Variants in FAM78B observed in about 807,000 individuals in gnomAD.
FAM78B encodes protein FAM78B.
A neutral mutation model predicts 20.0 loss-of-function variants in FAM78B; 10 were observed. That is an observed-to-expected ratio of 0.50 (90% CI 0.31 to 0.85). The LOEUF (loss-of-function observed/expected upper bound fraction) is 0.85, where lower values mean the gene tolerates loss of function less well. Among genes scored for constraint, FAM78B ranks in the 40% least tolerant of loss-of-function variants. FAM78B has a pLI of 0.05. For synonymous variants in FAM78B, 135 were observed against 132.8 expected, an observed-to-expected ratio of 1.02 and a Z score of -0.12; for missense variants, 283 against 345.0, an observed-to-expected ratio of 0.82 and a Z score of 1.42.
intron 1 of FAM78B, among the ~76,000 whole-genome samples, chr1:166,117,169 A>G (rs1357978049): frequency 3.3e-5 from 5 of 152,178 alleles, no homozygotes; most frequent in African/African-American, 9.7e-5. Context: ...CCTTAGTTTA[A>G]GGAGACATAT....
At chr1:166,113,115 C>T (rs12030010) in intron 1 of FAM78B, among the ~76,000 whole-genome samples, 25,179 of 152,172 alleles carry the variant, frequency 0.17, 2,244 homozygotes, top group East Asian at 0.27. Context: ...TGGCCCCAGA[C>T]CCTGCACATG....
Position 166,070,444 on chromosome 1 carries a change from C to A in FAM78B, c.583G>T (p.Val195Leu), listed in dbSNP as rs1651980956. Residue 195 changes from valine (V) to leucine (L), a missense_variant, in exon 2 of 2, where the codon GTG becomes TTG. Coordinates refer to ENST00000354422, the MANE Select transcript of FAM78B (RefSeq NM_001017961.5). ...ILQTIKWRMR[V>L]DIEVDPLQLL... ...TGAAGAGGGTCCACTTCAATGTCCA[C>A]CCTCATCCTCCACTTGATGGTCTGC... 1.9e-6 allele frequency: 3 copies of A among 1,614,102 alleles called. No homozygotes were observed. In the African/African-American group the frequency reaches 4.0e-5, roughly 22 times the overall value.
intron 1 of FAM78B, among the ~76,000 whole-genome samples, chr1:166,127,241 T>G (rs369364868): frequency 6.9e-4 from 105 of 152,316 alleles, no homozygotes; most frequent in African/African-American, 2.5e-3. Context: ...CTTCCCCAGC[T>G]TTTGGCAGCT....
intron 1 of FAM78B, among the ~76,000 whole-genome samples, chr1:166,098,485 C>T (rs1268200926): frequency 6.6e-6 from 1 of 151,816 alleles, no homozygotes; most frequent in East Asian, 1.9e-4. Context: ...CAAGGAAATC[C>T]AAAATATGAC....
intron 1 of FAM78B, among the ~76,000 whole-genome samples, chr1:166,099,273 A>G (rs1653406552): frequency 6.6e-6 from 1 of 152,232 alleles, no homozygotes; most frequent in East Asian, 1.9e-4. Flanking sequence ...AAATTCTAGA[A>G]AGACATCAAA....
chr1:166,055,984 T>G (rs1408142635), downstream of FAM78B, among the ~76,000 whole-genome samples: 3 of 152,226 alleles, frequency 2.0e-5, no homozygotes, highest in Admixed American at 6.5e-5. Flanking sequence ...TGCCAATTGT[T>G]CTTTCCAGAG....
intron 1 of FAM78B, among the ~76,000 whole-genome samples, chr1:166,096,044 T>C (rs960181422): frequency 1.3e-5 from 2 of 152,196 alleles, no homozygotes; most frequent in Non-Finnish European, 2.9e-5. Context: ...TTCTGGATTA[T>C]GGGTTAGAGT....
chr1:166,058,631 C>CAAA (rs1557883200), exon 3 of FAM78B: 3 of 151,964 alleles, frequency 2.0e-5, no homozygotes, highest in Non-Finnish European at 4.4e-5. Context: ...CAGTGAAACT[C>CAAA]CATCAAGTGA....
rs1294127964 is a variant in FAM78B, at chr1:166,070,076, TCTACCACCCAAGGAGCAGCC to T, written c.*145_*164del. On this transcript the variant is annotated 3_prime_UTR_variant, in exon 2 of 2. Coordinates refer to ENST00000354422, the MANE Select transcript of FAM78B (RefSeq NM_001017961.5). Reference sequence around the variant, plus strand: ...AGGGATTTTTCCTAAGGATTATGGTTCTACCACCCAAGGAGCAGCCCTACTCTTCAAAAGTGGCTGCAAAG... The same window carrying T: ...AGGGATTTTTCCTAAGGATTATGGTTCTACTCTTCAAAAGTGGCTGCAAAG... The T allele has an allele frequency of 1.5e-6, 2 of 1,306,646 alleles. No individual in the cohort carries two copies. Among genetic ancestry groups the T allele is most frequent in the Non-Finnish European group, 2.0e-6 (2 of 1,022,444 alleles). 80.9% of individuals were successfully genotyped at this position (1,306,646 alleles called of 1,614,324 possible). A position where few individuals can be genotyped will look rare whatever the true frequency, so the allele number is the denominator to read the frequency against.
downstream of FAM78B, among the ~76,000 whole-genome samples, chr1:166,064,454 G>C (rs1208309948): frequency 2.0e-5 from 3 of 152,110 alleles, no homozygotes; most frequent in African/African-American, 7.2e-5. Flanking sequence ...TTCAAGTCTG[G>C]CCTAGACTTG....
chr1:166,166,467 C>T lies in FAM78B; in HGVS notation c.-219G>A. On this transcript the variant is annotated 5_prime_UTR_variant, in exon 1 of 2. Transcript: ENST00000354422. ...TGCCCCGACGTCCGCCCACGCCCGC[C>T]CCCTCGCTCCGGCAGGGCGCGCGGA... is the stretch of plus-strand genomic sequence containing the variant. 5.0e-6 allele frequency: 1 copy of T among 200,804 alleles called. No homozygotes were observed. Among genetic ancestry groups the T allele is most frequent in the Non-Finnish European group, 9.0e-6 (1 of 110,682 alleles). 12.4% of individuals were successfully genotyped at this position (200,804 alleles called of 1,614,324 possible). A position where few individuals can be genotyped will look rare whatever the true frequency, so the allele number is the denominator to read the frequency against.
intron 1 of FAM78B, among the ~76,000 whole-genome samples, chr1:166,165,732 C>T (rs1268512511): frequency 6.6e-6 from 1 of 152,174 alleles, no homozygotes; most frequent in Non-Finnish European, 1.5e-5. Context: ...TTCTTCCCGC[C>T]CCGCACCTTT....
intron 1 of FAM78B, among the ~76,000 whole-genome samples, chr1:166,144,211 G>A (rs539482157): frequency 3.6e-4 from 54 of 150,184 alleles, no homozygotes; most frequent in Non-Finnish European, 6.5e-4. Flanking sequence ...TCAGTCTGTT[G>A]TGTGTGTGTT....
chr1:166,056,619 T>C (rs910859884), downstream of FAM78B, among the ~76,000 whole-genome samples: 4 of 152,164 alleles, frequency 2.6e-5, no homozygotes, highest in Non-Finnish European at 4.4e-5. Flanking sequence ...ACTCAAACTT[T>C]AAGATGACCT....
chr1:166,075,544 G>A (rs548969757), intron 1 of FAM78B, among the ~76,000 whole-genome samples: 2 of 152,194 alleles, frequency 1.3e-5, no homozygotes, highest in Non-Finnish European at 2.9e-5. Flanking sequence ...CCTGACTGCT[G>A]CATTAGAGCA....
rs576740902 is a variant in FAM78B at position 166,150,190 on chromosome 1, G to C, written c.263+15796C>G. Among the ~76,000 whole-genome samples, 3 of 27,366 alleles carry C rather than the reference G, an allele frequency of 1.1e-4. No homozygotes were observed. The East Asian group carries it at 7.9e-3, about 72-fold the overall frequency. 18.0% of individuals were successfully genotyped at this position (27,366 alleles called of 152,430 possible). On this transcript the variant is annotated intron_variant, in intron 1 of 1. Transcript: ENST00000354422. Reference sequence around the variant, plus strand: ...AGTATACCCCAGGTGGTTGTGCCTAGTGCACAGTGGGACAACGTGCTGGAC... The same window carrying C: ...AGTATACCCCAGGTGGTTGTGCCTACTGCACAGTGGGACAACGTGCTGGAC...
chr1:166,099,629 T>C (rs896097625), intron 1 of FAM78B, among the ~76,000 whole-genome samples: 2 of 152,144 alleles, frequency 1.3e-5, no homozygotes, highest in African/African-American at 2.4e-5. Flanking sequence ...TAGCTATTCT[T>C]ATATCAGACA....
At chr1:166,083,602 T>A (rs1351129677) in intron 1 of FAM78B, among the ~76,000 whole-genome samples, 1 of 152,168 alleles carries the variant, frequency 6.6e-6, no homozygotes, top group Non-Finnish European at 1.5e-5. Flanking sequence ...CCTCTTGGGT[T>A]CAAGTGCTTC....
intron 1 of FAM78B, among the ~76,000 whole-genome samples, chr1:166,162,156 C>T (rs1656171387): frequency 6.6e-6 from 1 of 152,172 alleles, no homozygotes; most frequent in Non-Finnish European, 1.5e-5. Context: ...AGGGATTCGG[C>T]AACATGGAAA....
Sources: gnomAD v4.1 joint callset for allele counts (sites outside exome capture counted in the v4.1 genomes callset) on GRCh38, gnomAD v4.1.1 for gene constraint, MANE v1.5 for transcripts, NCBI Gene and HGNC (gene_info 2026-07-23, HGNC 2026-07-21) for gene names.